FANCC: variants seen among roughly 807,000 people sequenced by gnomAD.
FANCC encodes the protein FA complementation group C.
FANCC carries 55 observed loss-of-function variants against 71.3 expected under a neutral mutation model. The observed-to-expected ratio is 0.77, with a 90% confidence interval of 0.62 to 0.97. The LOEUF (loss-of-function observed/expected upper bound fraction) is 0.97, where lower values mean the gene tolerates loss of function less well. Among genes scored for constraint, FANCC ranks in the 50% least tolerant of loss-of-function variants. FANCC has a pLI of 0.00. For missense variants in FANCC, 678 were observed against 670.9 expected (o/e 1.01, Z -0.12); for synonymous variants, 275 against 244.9 (o/e 1.12, Z -1.15).
intron 6 of FANCC, among the ~76,000 whole-genome samples, chr9:95,154,245 CAAAAAAAAAAAAAAAAAA>C: frequency 2.0e-5 from 1 of 49,946 alleles, no homozygotes; most frequent in East Asian, 6.1e-4. Context: ...GACTCCGTCT[CAAAAAAAAAAAAAAAAAA>C]AAAAAAAATT....
At chr9:95,281,580 C>T (rs752675841) in intron 1 of FANCC, among the ~76,000 whole-genome samples, 6 of 151,976 alleles carry the variant, frequency 3.9e-5, no homozygotes, top group Non-Finnish European at 7.4e-5. Flanking sequence ...ATGAGCAACA[C>T]AAAAACATCT....
intron 1 of FANCC, among the ~76,000 whole-genome samples, chr9:95,279,054 C>A (rs1833218732): frequency 6.6e-6 from 1 of 151,872 alleles, no homozygotes; most frequent in East Asian, 1.9e-4. Context: ...CTGGCTTACA[C>A]CTGTAATCCC....
At chr9:95,182,008 T>G (rs1279896102) in intron 4 of FANCC, among the ~76,000 whole-genome samples, 1 of 152,096 alleles carries the variant, frequency 6.6e-6, no homozygotes, top group Non-Finnish European at 1.5e-5. Flanking sequence ...AGCAATGGGT[T>G]GTGGCTTGGA....
chr9:95,142,816 C>T (rs1051978037), intron 7 of FANCC, among the ~76,000 whole-genome samples: 1 of 152,168 alleles, frequency 6.6e-6, no homozygotes, highest in East Asian at 1.9e-4. Context: ...ACTCCCACTA[C>T]TTAGAAGCTG....
chr9:95,209,182 T>C (rs1203622078), intron 4 of FANCC, among the ~76,000 whole-genome samples: 1 of 151,972 alleles, frequency 6.6e-6, no homozygotes, highest in Non-Finnish European at 1.5e-5. Flanking sequence ...AAGGAAAAAA[T>C]GTGGATACAG....
At chr9:95,102,870 G>A (rs552836994) in intron 14 of FANCC, among the ~76,000 whole-genome samples, 24 of 152,284 alleles carry the variant, frequency 1.6e-4, no homozygotes, top group African/African-American at 4.6e-4. Flanking sequence ...CGCTCTCCTC[G>A]GCCCCCCCTG....
At chr9:95,289,356 T>C (rs1048303107) in intron 1 of FANCC, among the ~76,000 whole-genome samples, 1 of 151,992 alleles carries the variant, frequency 6.6e-6, no homozygotes, top group African/African-American at 2.4e-5. Context: ...AATCACGGAG[T>C]ATTTGCACAA....
intron 4 of FANCC, among the ~76,000 whole-genome samples, chr9:95,198,634 A>G (rs1806741083): frequency 6.6e-6 from 1 of 152,228 alleles, no homozygotes; most frequent in Admixed American, 6.5e-5. Context: ...ATTCTCAGAG[A>G]GCCCATGTGT....
At chr9:95,257,038 A>T (rs1719937626) in intron 1 of FANCC, among the ~76,000 whole-genome samples, 1 of 152,236 alleles carries the variant, frequency 6.6e-6, no homozygotes, top group African/African-American at 2.4e-5. Flanking sequence ...TCATAAAGCA[A>T]GTTCTTAGAG....
At chr9:95,316,742 C>G (rs980608951) in intron 1 of FANCC, 2 of 152,200 alleles carry the variant, frequency 1.3e-5, no homozygotes, top group African/African-American at 4.8e-5. Flanking sequence ...TTCCCCCATT[C>G]GGTGCGCTGG....
At chr9:95,208,608 A>T (rs1411183907) in intron 4 of FANCC, among the ~76,000 whole-genome samples, 1 of 152,226 alleles carries the variant, frequency 6.6e-6, no homozygotes, top group Non-Finnish European at 1.5e-5. Flanking sequence ...TCGTCAAAGA[A>T]GATATACAAA....
chr9:95,213,060 G>C (rs2135886167), intron 4 of FANCC, among the ~76,000 whole-genome samples: 1 of 152,268 alleles, frequency 6.6e-6, no homozygotes, highest in African/African-American at 2.4e-5. Context: ...GTATGAGAAG[G>C]AGAACAAAGT....
In FANCC at chr9:95,240,649, C is replaced by T. The variant is rs1031713372; in HGVS notation, c.345G>A (p.Gln115=). 1 of 1,597,534 alleles carries T rather than the reference C, an allele frequency of 6.3e-7. No individual in the cohort carries two copies. Among genetic ancestry groups the T allele is most frequent in the Non-Finnish European group, 8.6e-7 (1 of 1,165,202 alleles). ...TGCAGAGCAAGATTTACTCTCTTACCTGTATCCAGGAGTTAAGTTTTGATT... is the reference window on the plus strand; with the variant it reads ...TGCAGAGCAAGATTTACTCTCTTACTTGTATCCAGGAGTTAAGTTTTGATT... ...SGQSKLNSWI[Q]GVLSHILSAL... The change falls in exon 4 of 15, where the codon CAG becomes CAA. Residue 115 remains glutamine (Q), a splice_region_variant and synonymous_variant. Transcript: ENST00000289081.
At chr9:95,211,016 T>C (rs142044208) in intron 4 of FANCC, among the ~76,000 whole-genome samples, 2 of 152,298 alleles carry the variant, frequency 1.3e-5, no homozygotes, top group African/African-American at 4.8e-5. Flanking sequence ...TTCAAAGGAT[T>C]TTAAAGCACT....
intron 13 of FANCC, among the ~76,000 whole-genome samples, chr9:95,107,841 C>T (rs908988552): frequency 2.0e-5 from 3 of 152,140 alleles, no homozygotes; most frequent in East Asian, 1.9e-4. Context: ...TCTGTTCATA[C>T]GTGTTTAATG....
intron 4 of FANCC, among the ~76,000 whole-genome samples, chr9:95,233,655 G>C (rs1263949636): frequency 6.6e-6 from 1 of 152,150 alleles, no homozygotes; most frequent in Non-Finnish European, 1.5e-5. Flanking sequence ...TTAGGGTTGA[G>C]AAAAGATGAA....
At chr9:95,283,147 A>G (rs1833468829) in intron 1 of FANCC, among the ~76,000 whole-genome samples, 1 of 152,202 alleles carries the variant, frequency 6.6e-6, no homozygotes, top group African/African-American at 2.4e-5. Flanking sequence ...CAGTGGCACA[A>G]TCATAGCTCA....
chr9:95,178,590 C>T (rs552179978), intron 4 of FANCC, among the ~76,000 whole-genome samples: 25 of 152,346 alleles, frequency 1.6e-4, no homozygotes, highest in Admixed American at 4.6e-4. Context: ...GGCTGACTGG[C>T]GCCCTGTGCC....
Position 95,107,095 on chromosome 9 carries a change from G to A in FANCC, c.1504C>T (p.His502Tyr). The A allele has an allele frequency of 1.9e-6, 3 of 1,614,216 alleles. No individual in the cohort carries two copies. Among genetic ancestry groups the A allele is most frequent in the Non-Finnish European group, 2.5e-6 (3 of 1,180,040 alleles). The change falls in exon 14 of 15, where the codon CAC becomes TAC. Residue 502 changes from histidine (H) to tyrosine (Y), a missense_variant. Transcript: ENST00000289081. ...GTGATGACATCCCAGGCGATCGTGT[G>A]GCCTCCAGGAGCCCAGAGCAGGAAG... is the stretch of plus-strand genomic sequence containing the variant. ...LNFLLWAPGG[H>Y]TIAWDVITLM...
Sources: allele counts gnomAD v4.1 joint callset (sites outside exome capture counted in the v4.1 genomes callset), GRCh38; gene constraint gnomAD v4.1.1; transcripts MANE v1.5; gene names NCBI Gene and HGNC (gene_info 2026-07-23, HGNC 2026-07-21).